The following SH3RF1 variants were observed in gnomAD, a reference collection of about 807,000 sequenced individuals.
SH3RF1 encodes the protein SH3 domain containing ring finger 1.
A neutral mutation model predicts 74.0 loss-of-function variants in SH3RF1; 32 were observed. The ratio of observed to expected loss-of-function variants is 0.43; its 90% CI spans 0.33 to 0.58. The LOEUF is 0.58. Ranked by LOEUF, SH3RF1 falls within the 20% of genes least tolerant of loss-of-function variation. The probability of loss-of-function intolerance (pLI) is 0.05; values close to 1 mark genes in which losing one functional copy is unlikely to be tolerated. For missense variants in SH3RF1, 954 were observed against 1,130.9 expected (o/e 0.84, Z 2.24); for synonymous variants, 396 against 439.6 (o/e 0.90, Z 1.24).
At chr4:169,148,100 T>A (rs1379249425) in intron 4 of SH3RF1, among the ~76,000 whole-genome samples, 1 of 152,182 alleles carries the variant, frequency 6.6e-6, no homozygotes, top group African/African-American at 2.4e-5. Flanking sequence ...TGTGAGAAAA[T>A]GAAATGTTTC....
chr4:169,152,594 G>A (rs917155522), intron 4 of SH3RF1, among the ~76,000 whole-genome samples: 48 of 152,204 alleles, frequency 3.2e-4, no homozygotes, highest in Middle Eastern at 6.8e-3. Flanking sequence ...AAAATTAGCC[G>A]GACGTGGTGG....
At chr4:169,180,782 T>A (rs943570700) in intron 2 of SH3RF1, among the ~76,000 whole-genome samples, 1 of 152,198 alleles carries the variant, frequency 6.6e-6, no homozygotes, top group Non-Finnish European at 1.5e-5. Context: ...CTTCATAAAC[T>A]TCAATATAAA....
At chr4:169,210,056 A>T (rs1730332936) in intron 2 of SH3RF1, among the ~76,000 whole-genome samples, 1 of 152,160 alleles carries the variant, frequency 6.6e-6, no homozygotes, top group Non-Finnish European at 1.5e-5. Context: ...TTGGCCTCCC[A>T]AAATGGTGGC....
intron 10 of SH3RF1, among the ~76,000 whole-genome samples, chr4:169,109,374 A>C (rs1334642404): frequency 6.6e-6 from 1 of 152,258 alleles, no homozygotes; most frequent in Non-Finnish European, 1.5e-5. Context: ...GACTTAATTC[A>C]TCTAAAATGA....
intron 2 of SH3RF1, among the ~76,000 whole-genome samples, chr4:169,231,334 A>G (rs1375300930): frequency 6.6e-6 from 1 of 152,170 alleles, no homozygotes; most frequent in Non-Finnish European, 1.5e-5. Context: ...TTGGGGGGCC[A>G]AGGCAGGCAG....
intron 6 of SH3RF1, among the ~76,000 whole-genome samples, chr4:169,126,870 C>T (rs879225881): frequency 1.3e-5 from 2 of 152,220 alleles, no homozygotes; most frequent in African/African-American, 2.4e-5. Flanking sequence ...GGATTATAGG[C>T]ATGGGCCATC....
intron 7 of SH3RF1, 90 bp from the exon 8 acceptor site, chr4:169,121,079 A>G: frequency 5.8e-6 from 6 of 1,029,980 alleles, no homozygotes; most frequent in Non-Finnish European, 7.4e-6. Context: ...AGTGTTGAAC[A>G]TTTTGTACAA....
At chr4:169,170,084 T>G (rs1579117726) in intron 2 of SH3RF1, among the ~76,000 whole-genome samples, 1 of 150,254 alleles carries the variant, frequency 6.7e-6, no homozygotes, top group African/African-American at 2.4e-5. Context: ...AAAAAAAAAG[T>G]CTTCCAATTC....
intron 11 of SH3RF1, among the ~76,000 whole-genome samples, chr4:169,100,502 C>T (rs967326654): frequency 2.6e-5 from 4 of 152,072 alleles, no homozygotes; most frequent in Admixed American, 6.6e-5. Context: ...CCATCATGCC[C>T]GACTAATTTT....
chr4:169,116,775 TA>T (rs1733341573), intron 9 of SH3RF1, 145 bp from the exon 10 acceptor site: 5 of 1,113,084 alleles, frequency 4.5e-6, no homozygotes, highest in South Asian at 4.2e-5. Flanking sequence ...GACGGTGGCC[TA>T]AAAGCACTTA....
chr4:169,191,314 A>AC lies in SH3RF1; in HGVS notation c.394-34636_394-34635insG, dbSNP rs200913181. On this transcript the variant is annotated intron_variant, in intron 2 of 11. Transcript: ENST00000284637. ...CAATAGCTGCAAAAAAAAAAAAAAA[A>AC]ACCTTAGGAATATACCTAACCAAGG... Among the ~76,000 whole-genome samples, 993 of 151,692 alleles carry AC rather than the reference A, an allele frequency of 6.5e-3. 15 individuals are homozygous for AC. The highest frequency in any genetic ancestry group is 0.023 in the African/African-American group (949 of 41,342).
chr4:169,146,269 G>T (rs1733892646), intron 4 of SH3RF1, among the ~76,000 whole-genome samples: 1 of 142,578 alleles, frequency 7.0e-6, no homozygotes, highest in Non-Finnish European at 1.5e-5. Context: ...TCGCTCTGTA[G>T]CCCAGGCTGC....
chr4:169,106,491 TAA>T (rs201979539), intron 11 of SH3RF1, among the ~76,000 whole-genome samples: 14 of 141,836 alleles, frequency 9.9e-5, no homozygotes, highest in African/African-American at 2.6e-4. Flanking sequence ...GGCAAAAAAT[TAA>T]AAAAAAAAAA....
chr4:169,104,758 G>A (rs897993841), intron 11 of SH3RF1, among the ~76,000 whole-genome samples: 14 of 152,030 alleles, frequency 9.2e-5, no homozygotes, highest in African/African-American at 3.4e-4. Flanking sequence ...AAAAAAATTA[G>A]CCGGGCGTGG....
intron 10 of SH3RF1, among the ~76,000 whole-genome samples, chr4:169,110,229 G>T (rs1000276804): frequency 6.6e-6 from 1 of 151,514 alleles, no homozygotes; most frequent in Non-Finnish European, 1.5e-5. Context: ...AATTACCTAG[G>T]TATGGTGGCT....
At chr4:169,108,996 A>G (rs973293636) in intron 10 of SH3RF1, among the ~76,000 whole-genome samples, 1 of 152,248 alleles carries the variant, frequency 6.6e-6, no homozygotes, top group Non-Finnish European at 1.5e-5. Context: ...GAGCCTTTCA[A>G]TAAAGCCTAT....
chr4:169,140,514 T>C (rs1433271831), intron 4 of SH3RF1, among the ~76,000 whole-genome samples: 2 of 152,214 alleles, frequency 1.3e-5, no homozygotes, highest in Non-Finnish European at 2.9e-5. Flanking sequence ...AAAATTCTTA[T>C]GCCCCTTTTT....
At chr4:169,203,068 G>A (rs1355261573) in intron 2 of SH3RF1, among the ~76,000 whole-genome samples, 3 of 152,164 alleles carry the variant, frequency 2.0e-5, no homozygotes, top group African/African-American at 7.2e-5. Context: ...AAAGAAACCT[G>A]TTTATTGTTA....
intron 2 of SH3RF1, among the ~76,000 whole-genome samples, chr4:169,265,991 G>A (rs777357389): frequency 1.3e-5 from 2 of 152,122 alleles, no homozygotes; most frequent in Admixed American, 6.5e-5. Flanking sequence ...CCATAGACAG[G>A]TATCAGCAGT....
Sources: gnomAD v4.1 joint callset for allele counts (sites outside exome capture counted in the v4.1 genomes callset) on GRCh38, gnomAD v4.1.1 for gene constraint, MANE v1.5 for transcripts, NCBI Gene and HGNC (gene_info 2026-07-23, HGNC 2026-07-21) for gene names.